Variants in SACS observed in about 807,000 individuals in gnomAD.
SACS encodes sacsin molecular chaperone.
SACS carries 197 observed loss-of-function variants against 348.0 expected under a neutral mutation model. That is an observed-to-expected ratio of 0.57 (90% confidence interval 0.50 to 0.64). The LOEUF (loss-of-function observed/expected upper bound fraction) is 0.64. Ranked by LOEUF, SACS falls within the 30% of genes least tolerant of loss-of-function variation. The probability of loss-of-function intolerance (pLI) is 0.00; values close to 1 mark genes in which losing one functional copy is unlikely to be tolerated. For missense variants in SACS, 4,999 were observed against 5,360.8 expected (o/e 0.93, Z 2.11); for synonymous variants, 1,985 against 1,910.6 (o/e 1.04, Z -1.02).
rs752629356 is a variant in SACS, at chr13:23,341,301, T to C, written c.2575A>G (p.Ile859Val). 14 of 1,608,280 alleles carry C rather than the reference T, an allele frequency of 8.7e-6. No individual in the cohort carries two copies. Among genetic ancestry groups the C allele is most frequent in the East Asian group, 6.7e-5 (3 of 44,804 alleles). Residue 859 changes from isoleucine (I) to valine (V), a missense_variant, in exon 10 of 10, where the codon ATA becomes GTA. Ile to Val is a conservative substitution (Grantham distance 29). Transcript: ENST00000382292. ...GFVLKKLDAS[I>V]QHPLIKKYIH... ...TATTTTTTAATAAGCGGATGTTGTA[T>C]AGATGCATCTAATTTTTTAAGGACA...
At position 23,354,535 on chromosome 13, in the gene SACS, AG is replaced by A. The variant is rs1057516224; in HGVS notation, c.2076del (p.Ser693GlnfsTer21). The A allele has an allele frequency of 1.2e-6, 2 of 1,614,124 alleles. No individual in the cohort carries two copies. The highest frequency in any genetic ancestry group is 1.7e-6 in the Non-Finnish European group (2 of 1,179,974). ...GACCCCTACCTTGGATATTCTGCTG[AG>A]GTAATATAAATGACATCTTGGTCTG... ...SVSDQDVIYI[T>X]SAEYPRSLFP... On this transcript the variant is annotated frameshift_variant, in exon 8 of 10. Coordinates refer to ENST00000382292, the MANE Select transcript of SACS (RefSeq NM_014363.6). LOFTEE classifies it high-confidence loss of function.
rs962232946 is a variant in SACS, at chr13:23,375,430, C to T, written c.21-161G>A. On this transcript the variant is annotated intron_variant, in intron 2 of 9. Transcript: ENST00000382292. ...CGCCCGATCACGGCCGGCCCTACCG[C>T]GTCCACAGGCCCCGCGCGGGCCGGG... 4.2e-6 allele frequency: 5 copies of T among 1,198,408 alleles called. No individual in the cohort carries two copies. In the African/African-American group the frequency reaches 4.8e-5, roughly 11 times the overall value. 74.2% of individuals were successfully genotyped at this position (1,198,408 alleles called of 1,614,324 possible). A position where few individuals can be genotyped will look rare whatever the true frequency, so the allele number is the denominator to read the frequency against.
At position 23,334,583 on chromosome 13, in the gene SACS, A is replaced by C. The variant is rs1310336194; in HGVS notation, c.9293T>G (p.Ile3098Ser). 1 of 1,613,558 alleles carries C rather than the reference A, an allele frequency of 6.2e-7. No homozygotes were observed. Residue 3098 changes from isoleucine to serine, a missense_variant, in exon 10 of 10, where the codon ATC (isoleucine) becomes AGC (serine). This residue lies in a region of SACS where 734 missense variants were observed against 694.0 expected (regional missense o/e 1.06). Coordinates refer to ENST00000382292, the MANE Select transcript of SACS (RefSeq NM_014363.6). ...GGAAAATGTCATTAAAAAAGATCTG[A>C]TATCAGCAGGGGTCACATAACTAAC... Reference protein sequence around the residue: ...IPVSYVTPADIRSFLMTFSSP... With the variant: ...IPVSYVTPADSRSFLMTFSSP...
At chr13:23,405,478 C>T (rs1387030634) in intron 2 of SACS, among the ~76,000 whole-genome samples, 1 of 152,208 alleles carries the variant, frequency 6.6e-6, no homozygotes, top group Non-Finnish European at 1.5e-5. Context: ...CAATACCATT[C>T]AGGACATAGG....
chr13:23,390,138 T>C (rs1488292485), intron 2 of SACS, among the ~76,000 whole-genome samples: 1 of 152,190 alleles, frequency 6.6e-6, no homozygotes. Flanking sequence ...TTCTGTAGGC[T>C]TCAAACTGTG....
rs1868683611 is a variant in SACS at position 23,337,067 on chromosome 13, C to T, written c.6809G>A (p.Gly2270Asp). The part of the protein sequence containing the change: ...ILNENSHSFR[G>D]CGSVSLAVKE... ...AACAGCCAATGACACTGAACCACAA[C>T]CTCTAAAAGAATGGGAATTTTCATT... The change falls in exon 10 of 10, where the codon GGT becomes GAT. Residue 2270 changes from glycine (G) to aspartate (D), a missense_variant. Physicochemically the swap from Gly to Asp is moderately conservative, Grantham distance 94. Transcript: ENST00000382292. 1.9e-6 allele frequency: 3 copies of T among 1,613,804 alleles called. No homozygotes were observed. Among genetic ancestry groups the T allele is most frequent in the Non-Finnish European group, 2.5e-6 (3 of 1,179,898 alleles).
intron 4 of SACS, among the ~76,000 whole-genome samples, chr13:23,369,846 A>G (rs989888726): frequency 1.4e-5 from 2 of 144,140 alleles, no homozygotes; most frequent in African/African-American, 5.2e-5. Context: ...TGCCCAGCCT[A>G]TCCCACTCAC....
intron 1 of SACS, among the ~76,000 whole-genome samples, chr13:23,423,043 A>G (rs1345267349): frequency 6.6e-6 from 1 of 152,198 alleles, no homozygotes; most frequent in East Asian, 1.9e-4. Flanking sequence ...GAGATTTCAG[A>G]GGCAATCAGG....
At chr13:23,361,991 A>G (rs1230509000) in intron 6 of SACS, among the ~76,000 whole-genome samples, 1 of 152,228 alleles carries the variant, frequency 6.6e-6, no homozygotes, top group Admixed American at 6.5e-5. Flanking sequence ...TACTAGGAAG[A>G]GTCCTTAGCT....
In SACS at chr13:23,332,895, C is replaced by T. The variant is rs760466234; in HGVS notation, c.10981G>A (p.Ala3661Thr). The T allele has an allele frequency of 7.3e-5, 118 of 1,613,704 alleles. 1 individual carries two copies. Among genetic ancestry groups the T allele is most frequent in the Admixed American group, 2.3e-4 (14 of 59,962 alleles). ...IPFLCPERAP[A>T]EFIRFHPQYQ... is the part of the protein sequence containing the mutation. The stretch of plus-strand genomic sequence containing the variant: ...TGAGGATGAAATCTAATGAATTCCG[C>T]GGGGGCCCGCTCAGGACATAAGAAT... Residue 3661 changes from alanine to threonine, a missense_variant, in exon 10 of 10, where the codon GCG (alanine) becomes ACG (threonine). Ala to Thr is a moderately conservative substitution (Grantham distance 58). Coordinates refer to ENST00000382292, the MANE Select transcript of SACS (RefSeq NM_014363.6).
intron 9 of SACS, among the ~76,000 whole-genome samples, chr13:23,349,751 T>TA (rs1869835244): frequency 1.3e-5 from 2 of 152,178 alleles, no homozygotes; most frequent in African/African-American, 4.8e-5. Context: ...AGGATAGTAC[T>TA]GTATTACCAT....
At chr13:23,410,595 A>T (rs1873438779) in intron 2 of SACS, among the ~76,000 whole-genome samples, 1 of 152,216 alleles carries the variant, frequency 6.6e-6, no homozygotes, top group African/African-American at 2.4e-5. Context: ...GAAATACAGC[A>T]TTCAGAATTA....
chr13:23,404,372 C>A (rs957621299), intron 2 of SACS, among the ~76,000 whole-genome samples: 2 of 152,242 alleles, frequency 1.3e-5, no homozygotes, highest in East Asian at 1.9e-4. Context: ...AAATTCAACA[C>A]TCCTTCATGC....
At chr13:23,411,120 G>C in intron 2 of SACS, 100 bp downstream of exon 2, 4 of 968,390 alleles carry the variant, frequency 4.1e-6, no homozygotes, top group Non-Finnish European at 6.7e-6. Flanking sequence ...TACCTCTCGA[G>C]TGCTTTCATT....
In SACS at chr13:23,332,913, A is replaced by G; in HGVS notation, c.10963T>C (p.Cys3655Arg). ...LKELSLIPFLCPERAPAEFIR... is the reference protein window; with the variant it reads ...LKELSLIPFLRPERAPAEFIR... ...AATTCCGCGGGGGCCCGCTCAGGAC[A>G]TAAGAATGGTATTAAAGATAGTTCT... is the stretch of plus-strand genomic sequence containing the variant. Residue 3655 changes from cysteine (C) to arginine (R), a missense_variant, in exon 10 of 10, where the codon TGT becomes CGT. Physicochemically the swap from Cys to Arg is radical, Grantham distance 180 (BLOSUM62 -3). This residue lies in a region of SACS where 831 missense variants were observed against 941.8 expected (regional missense o/e 0.88). Coordinates refer to ENST00000382292, the MANE Select transcript of SACS (RefSeq NM_014363.6). 1.2e-6 allele frequency: 2 copies of G among 1,613,978 alleles called. No individual in the cohort carries two copies. Among genetic ancestry groups the G allele is most frequent in the Non-Finnish European group, 8.5e-7 (1 of 1,179,940 alleles).
chr13:23,362,938 T>C (rs1187461914), intron 6 of SACS, among the ~76,000 whole-genome samples: 1 of 151,576 alleles, frequency 6.6e-6, no homozygotes, highest in Non-Finnish European at 1.5e-5. Context: ...AGACAGAGTT[T>C]CGCCCTTGTT....
At position 23,355,462 on chromosome 13, in the gene SACS, T is replaced by C; in HGVS notation, c.1150A>G (p.Thr384Ala). The C allele has an allele frequency of 3.7e-6, 6 of 1,614,122 alleles. No homozygotes were observed. The highest frequency in any genetic ancestry group is 5.1e-6 in the Non-Finnish European group (6 of 1,179,974). Residue 384 changes from threonine (T) to alanine (A), a missense_variant, in exon 8 of 10, where the codon ACT becomes GCT. Transcript: ENST00000382292. Reference sequence around the variant, plus strand: ...CAAGATGTTTTCTGTGCATCCTTAGTACTCTCCTCTTCTAAAACAATATTT... The same window carrying C: ...CAAGATGTTTTCTGTGCATCCTTAGCACTCTCCTCTTCTAAAACAATATTT... ...HVNIVLEEES[T>A]KDAQKTSWLV...
Position 23,339,880 on chromosome 13 carries a change from A to C in SACS, c.3996T>G (p.Ile1332Met), listed in dbSNP as rs1869038796. The part of the protein sequence containing the change: ...GSIEELTSDH[I>M]SMVIQKIYLK... The stretch of plus-strand genomic sequence containing the variant: ...GATATATCTTCTGAATAACCATGGA[A>C]ATATGATCTGATGTCAACTCCTCTA... Residue 1332 changes from isoleucine to methionine, a missense_variant, in exon 10 of 10, where the codon ATT (isoleucine) becomes ATG (methionine). Transcript: ENST00000382292. The C allele has an allele frequency of 1.2e-6, 2 of 1,614,002 alleles. No homozygotes were observed. The highest frequency in any genetic ancestry group is 1.3e-5 in the African/African-American group (1 of 75,048).
At chr13:23,393,457 C>T (rs562221200) in intron 2 of SACS, among the ~76,000 whole-genome samples, 158 of 152,280 alleles carry the variant, frequency 1.0e-3, no homozygotes, top group African/African-American at 3.7e-3. Context: ...CCTCATCACC[C>T]GTGTTCGCTG....
Sources: gnomAD v4.1 joint callset for allele counts (sites outside exome capture counted in the v4.1 genomes callset) on GRCh38, gnomAD v4.1.1 for gene constraint, gnomAD v4.1.1 regional missense constraint, MANE v1.5 for transcripts, NCBI Gene and HGNC (gene_info 2026-07-23, HGNC 2026-07-21) for gene names.